The following LMNTD1 variants were observed in gnomAD, a reference collection of about 807,000 sequenced individuals.
LMNTD1 encodes lamin tail domain-containing protein 1.
Under a neutral mutation model 50.9 loss-of-function variants are expected in LMNTD1, and 35 were observed. The ratio of observed to expected loss-of-function variants is 0.69; its 90% CI spans 0.53 to 0.91. The LOEUF is 0.91. LMNTD1 is among the 40% of genes least tolerant of loss of function. LMNTD1 has a pLI of 0.00. For missense variants in LMNTD1, 470 were observed against 475.5 expected, an observed-to-expected ratio of 0.99 and a Z score of 0.11; for synonymous variants, 153 against 161.9, an observed-to-expected ratio of 0.94 and a Z score of 0.42.
chr12:25,593,685 C>G (rs1362253802), intron 1 of LMNTD1, among the ~76,000 whole-genome samples: 1 of 151,532 alleles, frequency 6.6e-6, no homozygotes, highest in Non-Finnish European at 1.5e-5. Context: ...AGCTCACCAG[C>G]AATGGGTCCA....
chr12:25,611,208 A>T (rs779048774), intron 1 of LMNTD1, among the ~76,000 whole-genome samples: 4 of 152,192 alleles, frequency 2.6e-5, no homozygotes, highest in Non-Finnish European at 5.9e-5. Flanking sequence ...TTAAAGGGCA[A>T]TTTTAATGGC....
chr12:25,579,843 G>A (rs1439158532), intron 1 of LMNTD1, among the ~76,000 whole-genome samples: 1 of 151,722 alleles, frequency 6.6e-6, no homozygotes, highest in Non-Finnish European at 1.5e-5. Context: ...GACTCCAATC[G>A]CATCTCTCCA....
At chr12:25,627,106 A>G (rs1946606667) in intron 1 of LMNTD1, among the ~76,000 whole-genome samples, 2 of 152,202 alleles carry the variant, frequency 1.3e-5, no homozygotes, top group East Asian at 3.9e-4. Context: ...TGATACCACA[A>G]AGGTAATTGT....
intron 7 of LMNTD1, among the ~76,000 whole-genome samples, chr12:25,519,402 C>T (rs1428049283): frequency 6.7e-6 from 1 of 150,010 alleles, no homozygotes; most frequent in Non-Finnish European, 1.5e-5. Context: ...CTGGCTAACA[C>T]GGTGAAACCC....
At chr12:25,595,996 TG>T (rs1238997233) in intron 1 of LMNTD1, among the ~76,000 whole-genome samples, 1 of 152,034 alleles carries the variant, frequency 6.6e-6, no homozygotes, top group African/African-American at 2.4e-5. Context: ...CTAGGGGAGA[TG>T]GATAATTTCC....
At chr12:25,548,915 G>A (rs762956525) in intron 3 of LMNTD1, among the ~76,000 whole-genome samples, 5 of 151,246 alleles carry the variant, frequency 3.3e-5, no homozygotes, top group South Asian at 2.1e-4. Context: ...CTGTCTATTC[G>A]TTACTTAAGC....
At chr12:25,626,341 T>TATAC (rs71661257) in intron 1 of LMNTD1, among the ~76,000 whole-genome samples, 12,408 of 150,332 alleles carry the variant, frequency 0.083, 523 homozygotes, top group Middle Eastern at 0.18. Context: ...TATATATATA[T>TATAC]ACACACACAC....
chr12:25,539,450 T>G (rs1210658124), intron 4 of LMNTD1, among the ~76,000 whole-genome samples: 1 of 150,102 alleles, frequency 6.7e-6, no homozygotes, highest in Non-Finnish European at 1.5e-5. Context: ...ACATGGAAAC[T>G]GAACAACCTG....
intron 1 of LMNTD1, among the ~76,000 whole-genome samples, chr12:25,597,280 C>G (rs1050585855): frequency 6.6e-6 from 1 of 151,824 alleles, no homozygotes; most frequent in African/African-American, 2.4e-5. Flanking sequence ...TATAAAAACA[C>G]ACATAGACTA....
intron 1 of LMNTD1, among the ~76,000 whole-genome samples, chr12:25,624,935 C>T (rs1388238082): frequency 6.6e-6 from 1 of 152,156 alleles, no homozygotes; most frequent in Admixed American, 6.5e-5. Flanking sequence ...TTTTTCATTG[C>T]TTTGTGGAAA....
chr12:25,537,425 A>G (rs376123608), intron 4 of LMNTD1, among the ~76,000 whole-genome samples: 10 of 152,256 alleles, frequency 6.6e-5, no homozygotes, highest in African/African-American at 9.6e-5. Context: ...CCTGACCCCC[A>G]AGCAGCCTAA....
chr12:25,626,330 G>GTATA (rs71065960), intron 1 of LMNTD1, among the ~76,000 whole-genome samples: 29 of 150,838 alleles, frequency 1.9e-4, no homozygotes, highest in East Asian at 3.9e-4. Flanking sequence ...TTGTATGTGT[G>GTATA]TATATATATA....
At chr12:25,542,208 C>CA (rs551236737) in intron 4 of LMNTD1, among the ~76,000 whole-genome samples, 4 of 152,054 alleles carry the variant, frequency 2.6e-5, no homozygotes, top group African/African-American at 4.8e-5. Flanking sequence ...TTGACCCAGC[C>CA]TCCCATTACT....
chr12:25,566,060 C>T (rs868539160), intron 1 of LMNTD1, among the ~76,000 whole-genome samples: 2 of 152,044 alleles, frequency 1.3e-5, no homozygotes, highest in South Asian at 2.1e-4. Context: ...TTATTAAATA[C>T]CTTGACGTAG....
chr12:25,484,240 G>C lies in LMNTD1; in HGVS notation c.*23-7780C>G, dbSNP rs528633628. On this transcript the variant is annotated intron_variant, in intron 9 of 9. Coordinates refer to ENST00000458174, the MANE Select transcript of LMNTD1 (RefSeq NM_001145728.2). ...GTAGAAAAATAATTTGCATGAATAT[G>C]CTTCTTGAAGCATTGTTGTTTTTCG... is the stretch of plus-strand genomic sequence containing the variant. Among the ~76,000 whole-genome samples the C allele has an allele frequency of 9.2e-5, 14 of 152,040 alleles. No homozygotes were observed. The East Asian group carries it at 2.7e-3, about 29-fold the overall frequency.
chr12:25,586,213 T>G (rs906162932), intron 1 of LMNTD1: 2 of 152,066 alleles, frequency 1.3e-5, no homozygotes, highest in South Asian at 4.1e-4. Flanking sequence ...TCCCCTTCCG[T>G]TTGTTTTATG....
intron 1 of LMNTD1, among the ~76,000 whole-genome samples, chr12:25,630,091 A>C (rs1946681752): frequency 1.3e-5 from 2 of 152,212 alleles, no homozygotes; most frequent in African/African-American, 2.4e-5. Context: ...GGAGAAAATG[A>C]GGAGTGGTTA....
intron 4 of LMNTD1, among the ~76,000 whole-genome samples, chr12:25,530,291 G>T (rs972943228): frequency 2.0e-5 from 3 of 152,008 alleles, no homozygotes; most frequent in Admixed American, 2.0e-4. Flanking sequence ...GTTTCTTATG[G>T]TATAGTTTAC....
At chr12:25,509,253 G>A (rs1460799147) in intron 8 of LMNTD1, among the ~76,000 whole-genome samples, 1 of 152,086 alleles carries the variant, frequency 6.6e-6, no homozygotes, top group Non-Finnish European at 1.5e-5. Context: ...GATTACAGGT[G>A]CACACCACCA....
Sources: gnomAD v4.1 joint callset for allele counts (sites outside exome capture counted in the v4.1 genomes callset) on GRCh38, gnomAD v4.1.1 for gene constraint, MANE v1.5 for transcripts, NCBI Gene and HGNC (gene_info 2026-07-23, HGNC 2026-07-21) for gene names.